ATP8A2: variants seen among roughly 807,000 people sequenced by gnomAD.
The protein encoded by ATP8A2 is ATPase phospholipid transporting 8A2.
Under a neutral mutation model 165.6 loss-of-function variants are expected in ATP8A2, and 100 were observed. The observed-to-expected ratio is 0.60, with a 90% CI of 0.51 to 0.71. The LOEUF (loss-of-function observed/expected upper bound fraction) is 0.71. Ranked by LOEUF, ATP8A2 falls within the 30% of genes least tolerant of loss-of-function variation. The pLI is 0.00. For synonymous variants in ATP8A2, 543 were observed against 548.8 expected (o/e 0.99, Z 0.15); for missense variants, 1,227 against 1,479.5 (o/e 0.83, Z 2.80).
At chr13:25,854,760 T>G (rs937344790) in intron 30 of ATP8A2, among the ~76,000 whole-genome samples, 1 of 152,256 alleles carries the variant, frequency 6.6e-6, no homozygotes, top group Non-Finnish European at 1.5e-5. Context: ...TAGCCACATG[T>G]GGCTATTGTG....
At chr13:25,513,708 A>T (rs1017062679) in intron 2 of ATP8A2, among the ~76,000 whole-genome samples, 1 of 152,120 alleles carries the variant, frequency 6.6e-6, no homozygotes, top group Admixed American at 6.5e-5. Context: ...CAATCCCGGC[A>T]CCTCGGGAGG....
chr13:25,492,353 G>A (rs1354520027), intron 2 of ATP8A2, among the ~76,000 whole-genome samples: 1 of 152,186 alleles, frequency 6.6e-6, no homozygotes, highest in Non-Finnish European at 1.5e-5. Context: ...ACCATGCCTG[G>A]CCTAGATGCA....
At chr13:25,471,390 T>C (rs141186826) in intron 2 of ATP8A2, among the ~76,000 whole-genome samples, 12,818 of 151,294 alleles carry the variant, frequency 0.085, 878 homozygotes, top group African/African-American at 0.18. Context: ...TTGCTCTGTC[T>C]CCCAGGCTGG....
intron 1 of ATP8A2, among the ~76,000 whole-genome samples, chr13:25,434,072 T>C (rs2034687202): frequency 6.6e-6 from 1 of 152,092 alleles, no homozygotes; most frequent in Admixed American, 6.5e-5. Flanking sequence ...CAGGATGCAA[T>C]ATACCCATGT....
At chr13:25,395,056 A>C (rs1029726207) in intron 1 of ATP8A2, among the ~76,000 whole-genome samples, 1 of 152,170 alleles carries the variant, frequency 6.6e-6, no homozygotes, top group African/African-American at 2.4e-5. Context: ...GTCTCTCTCT[A>C]TATACATACA....
chr13:25,909,553 C>T (rs1207967971), intron 33 of ATP8A2, among the ~76,000 whole-genome samples: 1 of 152,076 alleles, frequency 6.6e-6, no homozygotes, highest in African/African-American at 2.4e-5. Context: ...TACTTTTATA[C>T]CAACCTAAAA....
chr13:25,439,736 ACTGT>A (rs1032658861), intron 1 of ATP8A2, among the ~76,000 whole-genome samples: 1 of 151,972 alleles, frequency 6.6e-6, no homozygotes, highest in Non-Finnish European at 1.5e-5. Context: ...ACATTGTGAG[ACTGT>A]CTAATTTTTT....
intron 1 of ATP8A2, among the ~76,000 whole-genome samples, chr13:25,434,697 C>T (rs1332165449): frequency 3.3e-5 from 5 of 152,252 alleles, no homozygotes; most frequent in East Asian, 3.9e-4. Flanking sequence ...AATTAAAATA[C>T]GATTCTTTTT....
chr13:25,433,284 T>C (rs866614804), intron 1 of ATP8A2, among the ~76,000 whole-genome samples: 1 of 152,174 alleles, frequency 6.6e-6, no homozygotes. Context: ...TGTTTTGTTT[T>C]GTTTTTGAGA....
intron 33 of ATP8A2, among the ~76,000 whole-genome samples, chr13:25,943,050 C>G (rs568504714): frequency 1.3e-5 from 2 of 152,240 alleles, no homozygotes; most frequent in African/African-American, 4.8e-5. Flanking sequence ...GGGGTCTGAG[C>G]TGGAGCCCTT....
chr13:25,705,789 C>T (rs931601297), intron 25 of ATP8A2, among the ~76,000 whole-genome samples: 2 of 152,204 alleles, frequency 1.3e-5, no homozygotes, highest in African/African-American at 4.8e-5. Context: ...GTCTTGATCT[C>T]CTTCTGTGAA....
chr13:25,797,908 G>T (rs1950529983), intron 27 of ATP8A2, among the ~76,000 whole-genome samples: 1 of 152,242 alleles, frequency 6.6e-6, no homozygotes, highest in South Asian at 2.1e-4. Flanking sequence ...ATTCCGTTTG[G>T]ACTGTGAATA....
At chr13:25,890,627 A>G (rs973483919) in intron 33 of ATP8A2, among the ~76,000 whole-genome samples, 1 of 152,204 alleles carries the variant, frequency 6.6e-6, no homozygotes, top group Non-Finnish European at 1.5e-5. Context: ...CATTTTACAC[A>G]ATAATTGTTT....
chr13:26,011,392 C>G (rs1481841990), intron 35 of ATP8A2, among the ~76,000 whole-genome samples: 1 of 152,150 alleles, frequency 6.6e-6, no homozygotes, highest in Non-Finnish European at 1.5e-5. Flanking sequence ...TAGGGCCCAC[C>G]CTGATGACCT....
intron 2 of ATP8A2, among the ~76,000 whole-genome samples, chr13:25,491,173 T>A (rs1184029764): frequency 2.6e-5 from 4 of 152,128 alleles, no homozygotes; most frequent in Non-Finnish European, 5.9e-5. Flanking sequence ...TTGGACTTGA[T>A]TTATTTCTTT....
intron 7 of ATP8A2, 99 bp from the exon 8 acceptor site, chr13:25,540,220 G>T: frequency 2.3e-6 from 2 of 854,784 alleles, no homozygotes; most frequent in Non-Finnish European, 4.0e-6. Flanking sequence ...ATTTTGAAGG[G>T]CCAATCAGCA....
chr13:25,917,184 G>T (rs1219115437), intron 33 of ATP8A2, among the ~76,000 whole-genome samples: 2 of 152,114 alleles, frequency 1.3e-5, no homozygotes, highest in Non-Finnish European at 2.9e-5. Flanking sequence ...TCCAACCCAG[G>T]CCAGGGCAGG....
At chr13:25,600,652 C>G (rs1055560816) in intron 24 of ATP8A2, among the ~76,000 whole-genome samples, 1 of 152,166 alleles carries the variant, frequency 6.6e-6, no homozygotes, top group Admixed American at 6.5e-5. Context: ...GGCATCCTTA[C>G]ACCCATGAAG....
intron 33 of ATP8A2, among the ~76,000 whole-genome samples, chr13:25,943,465 C>T (rs748286297): frequency 4.6e-5 from 7 of 152,126 alleles, no homozygotes; most frequent in Non-Finnish European, 1.0e-4. Flanking sequence ...CTACAAAATT[C>T]AGTACAGGAA....
Sources: gnomAD v4.1 joint callset for allele counts (sites outside exome capture counted in the v4.1 genomes callset) on GRCh38, gnomAD v4.1.1 for gene constraint, MANE v1.5 for transcripts, NCBI Gene and HGNC (gene_info 2026-07-23, HGNC 2026-07-21) for gene names.